The following FGF12 variants were observed in gnomAD, a reference collection of about 807,000 sequenced individuals.
FGF12 encodes fibroblast growth factor 12B.
FGF12 carries 14 observed loss-of-function variants against 23.6 expected under a neutral mutation model. The observed-to-expected ratio is 0.59, with a 90% CI of 0.39 to 0.93. The LOEUF (loss-of-function observed/expected upper bound fraction) is 0.93, where lower values mean the gene tolerates loss of function less well. Among genes scored for constraint, FGF12 ranks in the 40% least tolerant of loss-of-function variants. FGF12 has a pLI of 0.00. For missense variants in FGF12, 175 were observed against 217.8 expected (o/e 0.80, Z 1.24); for synonymous variants, 62 against 77.3 (o/e 0.80, Z 1.04).
chr3:192,261,727 T>G (rs1175745847), intron 4 of FGF12, among the ~76,000 whole-genome samples: 2 of 151,928 alleles, frequency 1.3e-5, no homozygotes, highest in Non-Finnish European at 2.9e-5. Flanking sequence ...AATAGATGAG[T>G]TTTTTAGTTA....
At chr3:192,446,954 T>C (rs2108799588) in intron 2 of FGF12, among the ~76,000 whole-genome samples, 1 of 152,350 alleles carries the variant, frequency 6.6e-6, no homozygotes. Flanking sequence ...TTTCTATTCA[T>C]CTTTTTAGTC....
At chr3:192,545,436 C>A (rs539084226) in intron 2 of FGF12, among the ~76,000 whole-genome samples, 1 of 152,216 alleles carries the variant, frequency 6.6e-6, no homozygotes, top group Middle Eastern at 3.2e-3. Context: ...AAAAAGCTTT[C>A]CTCCACAACC....
At chr3:192,474,037 C>A (rs893768398) in intron 2 of FGF12, among the ~76,000 whole-genome samples, 4 of 152,154 alleles carry the variant, frequency 2.6e-5, no homozygotes, top group African/African-American at 7.2e-5. Context: ...TATAGTTGGT[C>A]TTCACACAGA....
At chr3:192,499,355 A>G (rs1724051456) in intron 2 of FGF12, among the ~76,000 whole-genome samples, 1 of 151,428 alleles carries the variant, frequency 6.6e-6, no homozygotes, top group Admixed American at 6.6e-5. Context: ...ACTAAGAGGT[A>G]AAAGTTCTGG....
chr3:192,701,179 G>C (rs556348128), intron 2 of FGF12, among the ~76,000 whole-genome samples: 2 of 152,280 alleles, frequency 1.3e-5, no homozygotes, highest in South Asian at 4.1e-4. Flanking sequence ...CAGGTGTTCA[G>C]ATAATAACTG....
At chr3:192,331,260 G>A (rs978893112) in intron 4 of FGF12, among the ~76,000 whole-genome samples, 5 of 149,566 alleles carry the variant, frequency 3.3e-5, no homozygotes, top group Admixed American at 6.7e-5. Flanking sequence ...TGCACTGTTG[G>A]TGGGAAGGTA....
At position 192,388,276 on chromosome 3, in the gene FGF12, T is replaced by A. The variant is rs114000434; in HGVS notation, c.14-27738A>T. Among the ~76,000 whole-genome samples the A allele has an allele frequency of 3.5e-3, 530 of 152,040 alleles. 1 individual carries two copies. Among genetic ancestry groups the A allele is most frequent in the African/African-American group, 0.013 (523 of 41,480 alleles). ...AAGACCCTATCTAAAAAAATAACAA[T>A]AATACATAAAACATAAGTGTCTATA... On this transcript the variant is annotated intron_variant, in intron 2 of 5. Coordinates refer to ENST00000445105, the MANE Select transcript of FGF12 (RefSeq NM_004113.6).
intron 2 of FGF12, among the ~76,000 whole-genome samples, chr3:192,367,221 T>C (rs1439393765): frequency 6.6e-6 from 1 of 152,214 alleles, no homozygotes; most frequent in Non-Finnish European, 1.5e-5. Context: ...AAAGACTGTT[T>C]ACCAGGCATC....
Position 192,567,817 on chromosome 3 carries a change from C to T in FGF12, c.13+159364G>A, listed in dbSNP as rs1044947168. 2.2e-4 allele frequency among the ~76,000 whole-genome samples: 30 copies of T among 135,372 alleles called. 1 individual carries two copies. Among genetic ancestry groups the T allele is most frequent in the East Asian group, 1.7e-3 (8 of 4,740 alleles). The allele number at this position is 135,372 out of a possible 152,430, so 88.8% of individuals were successfully genotyped here. A position where few individuals can be genotyped will look rare whatever the true frequency, so the allele number is the denominator to read the frequency against. On this transcript the variant is annotated intron_variant, in intron 2 of 5. Coordinates refer to ENST00000445105, the MANE Select transcript of FGF12 (RefSeq NM_004113.6). ...TCTTTCTTTCTCTTTCTTTCTTTCT[C>T]TCTCTCTCTCTCTTTTCTTTCTTTC...
chr3:192,722,460 T>C (rs1039786395), intron 2 of FGF12, among the ~76,000 whole-genome samples: 1 of 152,216 alleles, frequency 6.6e-6, no homozygotes, highest in African/African-American at 2.4e-5. Context: ...TGTTGGTTCA[T>C]GGCCCTGACT....
intron 2 of FGF12, among the ~76,000 whole-genome samples, chr3:192,677,192 C>T (rs1717356178): frequency 6.6e-6 from 1 of 152,206 alleles, no homozygotes; most frequent in African/African-American, 2.4e-5. Context: ...TGACCTTCCT[C>T]CTTCCTCACC....
In FGF12 at chr3:192,360,215, T is replaced by C. The variant is rs942573380; in HGVS notation, c.124+213A>G. On this transcript the variant is annotated intron_variant, in intron 3 of 5. Coordinates refer to ENST00000445105, the MANE Select transcript of FGF12 (RefSeq NM_004113.6). This position sits in a 1 kb window ranked among gnomAD's most constrained non-coding sequence, Gnocchi z 4.3. ...CCATTGACCAAATGGACAAGCCTCT[T>C]ACCTTCTCTTAAGTGCATAACCTCT... Among the ~76,000 whole-genome samples, 3 of 152,170 alleles carry C rather than the reference T, an allele frequency of 2.0e-5. No homozygotes were observed. Among genetic ancestry groups the C allele is most frequent in the Admixed American group, 2.0e-4 (3 of 15,268 alleles).
At chr3:192,577,378 G>A (rs1233934679) in intron 2 of FGF12, among the ~76,000 whole-genome samples, 1 of 152,172 alleles carries the variant, frequency 6.6e-6, no homozygotes, top group Non-Finnish European at 1.5e-5. Context: ...ATGGTTCTGA[G>A]AGTCATTGTG....
intron 2 of FGF12, among the ~76,000 whole-genome samples, chr3:192,684,739 T>C (rs1577120045): frequency 6.6e-6 from 1 of 152,342 alleles, no homozygotes; most frequent in East Asian, 1.9e-4. Context: ...TTTTTAGTTG[T>C]CATGACTTAT....
At chr3:192,215,844 A>G (rs888107286) in intron 4 of FGF12, among the ~76,000 whole-genome samples, 1 of 152,194 alleles carries the variant, frequency 6.6e-6, no homozygotes, top group African/African-American at 2.4e-5. Context: ...AGTTTCCCTA[A>G]AAGTCTCATC....
intron 2 of FGF12, chr3:192,516,427 C>T (rs1399019014): frequency 6.6e-6 from 1 of 152,252 alleles, no homozygotes; most frequent in Non-Finnish European, 1.5e-5. Flanking sequence ...TAGCTCTTCC[C>T]TGCAAGGGAG....
At chr3:192,331,781 AG>A (rs1717137671) in intron 4 of FGF12, among the ~76,000 whole-genome samples, 1 of 152,118 alleles carries the variant, frequency 6.6e-6, no homozygotes, top group Non-Finnish European at 1.5e-5. Flanking sequence ...ATTACCTACA[AG>A]GGAAAGAATA....
intron 5 of FGF12, among the ~76,000 whole-genome samples, chr3:192,158,393 C>CTTTCTTTCTTTCTTTCTTTTCTT: frequency 2.5e-5 from 2 of 79,278 alleles, no homozygotes; most frequent in African/African-American, 2.0e-4. Flanking sequence ...TTTTCTTTCT[C>CTTTCTTTCTTTCTTTCTTTTCTT]TCTCTTTCTT....
chr3:192,552,543 A>AC (rs34477089), intron 2 of FGF12, among the ~76,000 whole-genome samples: 7 of 151,610 alleles, frequency 4.6e-5, no homozygotes, highest in South Asian at 4.2e-4. Context: ...ATCAAAAAAA[A>AC]CCCTCATATG....
Sources: gnomAD v4.1 joint callset for allele counts (sites outside exome capture counted in the v4.1 genomes callset) on GRCh38, gnomAD v4.1.1 for gene constraint, Gnocchi (gnomAD v3.1) non-coding constraint, MANE v1.5 for transcripts, NCBI Gene and HGNC (gene_info 2026-07-23, HGNC 2026-07-21) for gene names.